ASTN2: variants seen among roughly 807,000 people sequenced by gnomAD.
The protein encoded by ASTN2 is astrotactin-2.
ASTN2 carries 54 observed loss-of-function variants against 139.8 expected under a neutral mutation model. The ratio of observed to expected loss-of-function variants is 0.39; its 90% CI spans 0.31 to 0.48. The LOEUF (loss-of-function observed/expected upper bound fraction) is 0.48, where lower values mean the gene tolerates loss of function less well. Among genes scored for constraint, ASTN2 ranks in the 20% least tolerant of loss-of-function variants. ASTN2 has a pLI of 0.95. For synonymous variants in ASTN2, 756 were observed against 719.5 expected, an observed-to-expected ratio of 1.05 and a Z score of -0.81; for missense variants, 1,565 against 1,725.1, an observed-to-expected ratio of 0.91 and a Z score of 1.64.
chr9:117,207,876 T>A (rs928350387), intron 3 of ASTN2, among the ~76,000 whole-genome samples: 1 of 152,150 alleles, frequency 6.6e-6, no homozygotes, highest in African/African-American at 2.4e-5. Context: ...GGTCACTGAG[T>A]ATCTTACAAA....
chr9:116,986,547 T>C lies in ASTN2; in HGVS notation c.1592-9762A>G, dbSNP rs148229420. On this transcript the variant is annotated intron_variant, in intron 7 of 22. Coordinates refer to ENST00000313400, the MANE Select transcript of ASTN2 (RefSeq NM_001365068.1). ...TCTGCCCAGGATGGGGGCTCACCAG[T>C]GAAAAGGGAGGGTAACAATAAGAGA... is the stretch of plus-strand genomic sequence containing the variant. Among the ~76,000 whole-genome samples, 1,510 of 152,112 alleles carry C rather than the reference T, an allele frequency of 9.9e-3. 27 individuals are homozygous for C. The highest frequency in any genetic ancestry group is 0.035 in the African/African-American group (1,432 of 41,506).
intron 16 of ASTN2, among the ~76,000 whole-genome samples, chr9:116,703,492 C>T (rs985529161): frequency 1.4e-4 from 21 of 150,392 alleles, no homozygotes; most frequent in African/African-American, 3.7e-4. Context: ...AACCAAACAC[C>T]GCATATTCTC....
At chr9:117,230,988 G>T (rs570432636) in intron 2 of ASTN2, among the ~76,000 whole-genome samples, 2 of 152,270 alleles carry the variant, frequency 1.3e-5, no homozygotes, top group South Asian at 2.1e-4. Flanking sequence ...AACACCTGGG[G>T]ATGCTCATTA....
At chr9:117,192,151 C>T (rs1254183254) in intron 3 of ASTN2, among the ~76,000 whole-genome samples, 1 of 152,040 alleles carries the variant, frequency 6.6e-6, no homozygotes, top group African/African-American at 2.4e-5. Flanking sequence ...CAGGGGATGC[C>T]AAGCTCCTGT....
intron 22 of ASTN2, among the ~76,000 whole-genome samples, chr9:116,439,172 G>A (rs531618230): frequency 7.8e-4 from 108 of 138,272 alleles, no homozygotes; most frequent in African/African-American, 2.7e-3. Context: ...ACAAGATGAT[G>A]TTGTGTTTTC....
intron 3 of ASTN2, among the ~76,000 whole-genome samples, chr9:117,191,588 A>G (rs1421513106): frequency 6.6e-6 from 1 of 152,232 alleles, no homozygotes; most frequent in African/African-American, 2.4e-5. Flanking sequence ...AAAGATATCA[A>G]ATCCAGAGGC....
intron 19 of ASTN2, among the ~76,000 whole-genome samples, chr9:116,490,794 C>T (rs1268326777): frequency 1.3e-5 from 2 of 152,142 alleles, no homozygotes; most frequent in East Asian, 3.9e-4. Flanking sequence ...CTCGAGGTCC[C>T]TCCCAGGACA....
At chr9:116,797,969 T>C (rs957006194) in intron 13 of ASTN2, among the ~76,000 whole-genome samples, 5 of 152,198 alleles carry the variant, frequency 3.3e-5, no homozygotes, top group African/African-American at 1.2e-4. Context: ...AGGTATCCCA[T>C]CTACAAAAGG....
At chr9:116,959,026 C>G (rs1172738980) in intron 10 of ASTN2, among the ~76,000 whole-genome samples, 1 of 151,994 alleles carries the variant, frequency 6.6e-6, no homozygotes, top group African/African-American at 2.4e-5. Flanking sequence ...GTGATAAGTG[C>G]CTGGAGAGAG....
chr9:117,274,177 C>T (rs528517697), intron 2 of ASTN2, among the ~76,000 whole-genome samples: 3 of 152,104 alleles, frequency 2.0e-5, no homozygotes, highest in Admixed American at 6.5e-5. Flanking sequence ...GGCGAAACCC[C>T]GTCTCTACTA....
At chr9:117,080,076 A>G (rs1564416421) in intron 5 of ASTN2, among the ~76,000 whole-genome samples, 2 of 152,200 alleles carry the variant, frequency 1.3e-5, no homozygotes, top group Admixed American at 6.5e-5. Context: ...CACAAATTAA[A>G]CACTGCACAT....
chr9:116,953,822 T>C (rs1476529991), intron 10 of ASTN2, among the ~76,000 whole-genome samples: 1 of 152,182 alleles, frequency 6.6e-6, no homozygotes, highest in African/African-American at 2.4e-5. Context: ...AAGAGACTTG[T>C]CCAAGGTCAT....
Position 116,699,945 on chromosome 9 carries a change from C to T in ASTN2, c.2806+25826G>A. The T allele has an allele frequency of 1.6e-6, 1 of 611,622 alleles. No individual in the cohort carries two copies. Among genetic ancestry groups the T allele is most frequent in the Non-Finnish European group, 2.9e-6 (1 of 344,978 alleles). 37.9% of individuals were successfully genotyped at this position (611,622 alleles called of 1,614,324 possible). On this transcript the variant is annotated intron_variant, in intron 16 of 22. Transcript: ENST00000313400. This position sits in a 1 kb window ranked among gnomAD's most constrained non-coding sequence, Gnocchi z 4.2. ...CAAATAGGACACACGATGGTGTTAGCTGAAGTTTGATTAGCAATTAGGCAC... is the reference window on the plus strand; with the variant it reads ...CAAATAGGACACACGATGGTGTTAGTTGAAGTTTGATTAGCAATTAGGCAC...
chr9:116,847,403 C>T (rs1389848365), intron 11 of ASTN2, among the ~76,000 whole-genome samples: 2 of 152,150 alleles, frequency 1.3e-5, no homozygotes, highest in African/African-American at 4.8e-5. Context: ...CATGAGCCAC[C>T]GTGCCCAGCT....
At chr9:117,090,677 T>G (rs1217574213) in intron 5 of ASTN2, among the ~76,000 whole-genome samples, 1 of 152,176 alleles carries the variant, frequency 6.6e-6, no homozygotes, top group Non-Finnish European at 1.5e-5. Context: ...GCTTACTCTG[T>G]GAGGCAGGTG....
At chr9:117,063,293 T>C (rs1256958657) in intron 5 of ASTN2, among the ~76,000 whole-genome samples, 1 of 152,196 alleles carries the variant, frequency 6.6e-6, no homozygotes, top group East Asian at 1.9e-4. Context: ...TTTGACTCTG[T>C]GTCCCCACCC....
intron 10 of ASTN2, among the ~76,000 whole-genome samples, chr9:116,909,694 G>A (rs2132418504): frequency 6.6e-6 from 1 of 152,280 alleles, no homozygotes; most frequent in Non-Finnish European, 1.5e-5. Context: ...AAGAAGGGAG[G>A]ATATAGCAGG....
chr9:116,792,903 T>C (rs892622772), intron 13 of ASTN2, among the ~76,000 whole-genome samples: 1 of 152,066 alleles, frequency 6.6e-6, no homozygotes, highest in African/African-American at 2.4e-5. Context: ...TGTTCCTCTG[T>C]ACTCATGGAC....
intron 16 of ASTN2, among the ~76,000 whole-genome samples, chr9:116,695,247 G>A (rs1196055521): frequency 6.6e-6 from 1 of 152,042 alleles, no homozygotes; most frequent in Non-Finnish European, 1.5e-5. Context: ...TGTAAAATAG[G>A]ATAATAAAAA....
Sources: allele counts gnomAD v4.1 joint callset (sites outside exome capture counted in the v4.1 genomes callset), GRCh38; gene constraint gnomAD v4.1.1; non-coding constraint Gnocchi (gnomAD v3.1); transcripts MANE v1.5; gene names NCBI Gene and HGNC (gene_info 2026-07-23, HGNC 2026-07-21).